Variants in SBF2 observed in about 807,000 individuals in gnomAD.
The protein encoded by SBF2 is myotubularin-related protein 13.
A neutral mutation model predicts 225.2 loss-of-function variants in SBF2; 112 were observed. The observed-to-expected ratio is 0.50, with a 90% CI of 0.43 to 0.58. The LOEUF (loss-of-function observed/expected upper bound fraction) is 0.58. SBF2 is among the 20% of genes least tolerant of loss of function. SBF2 has a pLI of 0.00. For synonymous variants in SBF2, 763 were observed against 773.3 expected (o/e 0.99, Z 0.22); for missense variants, 1,996 against 2,206.2 (o/e 0.90, Z 1.91).
At chr11:9,947,331 T>C (rs1376313631) in intron 16 of SBF2, among the ~76,000 whole-genome samples, 1 of 152,200 alleles carries the variant, frequency 6.6e-6, no homozygotes, top group African/African-American at 2.4e-5. Flanking sequence ...GAAAAATGTC[T>C]ATGACCGCTC....
At chr11:9,928,678 G>T (rs1487512292) in intron 16 of SBF2, among the ~76,000 whole-genome samples, 1 of 152,128 alleles carries the variant, frequency 6.6e-6, no homozygotes, top group Admixed American at 6.6e-5. Flanking sequence ...CTTGTACCAG[G>T]CCCCAGCTGG....
At chr11:10,252,526 G>A (rs1052441899) in intron 1 of SBF2, among the ~76,000 whole-genome samples, 5 of 152,210 alleles carry the variant, frequency 3.3e-5, no homozygotes, top group African/African-American at 9.6e-5. Context: ...AACGCTGGCC[G>A]GGCGCGGTGG....
chr11:9,786,368 A>T (rs1852374154), intron 36 of SBF2, among the ~76,000 whole-genome samples: 1 of 152,256 alleles, frequency 6.6e-6, no homozygotes, highest in South Asian at 2.1e-4. Context: ...TCTTTCAAAA[A>T]AATGAACATT....
chr11:9,887,225 A>C (rs1160564526), intron 17 of SBF2, among the ~76,000 whole-genome samples: 1 of 151,718 alleles, frequency 6.6e-6, no homozygotes, highest in East Asian at 1.9e-4. Context: ...AAAAATTAGT[A>C]ATTATTATAA....
chr11:10,218,966 G>T (rs1050129273), intron 1 of SBF2, among the ~76,000 whole-genome samples: 8 of 152,142 alleles, frequency 5.3e-5, no homozygotes, highest in African/African-American at 1.9e-4. Context: ...AGTGTCTGTG[G>T]CTTTTCCAGG....
At chr11:10,235,032 G>GA (rs1360693403) in intron 1 of SBF2, among the ~76,000 whole-genome samples, 3 of 152,138 alleles carry the variant, frequency 2.0e-5, no homozygotes, top group Non-Finnish European at 4.4e-5. Flanking sequence ...CAAGGAAGGA[G>GA]AAACAGGTGT....
intron 2 of SBF2, among the ~76,000 whole-genome samples, chr11:10,053,806 A>G (rs955191890): frequency 2.0e-5 from 3 of 151,852 alleles, no homozygotes; most frequent in Non-Finnish European, 1.5e-5. Flanking sequence ...TGTAGTACCA[A>G]CTACTCAGAA....
intron 1 of SBF2, among the ~76,000 whole-genome samples, chr11:10,276,107 A>G (rs1962943173): frequency 6.6e-6 from 1 of 152,172 alleles, no homozygotes; most frequent in South Asian, 2.1e-4. Context: ...GAGGGGAAAA[A>G]TTATTTTCTA....
intron 32 of SBF2, 65 bp downstream of exon 32, chr11:9,807,935 C>T: frequency 7.2e-7 from 1 of 1,386,170 alleles, no homozygotes; most frequent in Non-Finnish European, 1.0e-6. Context: ...TCGCAATGCT[C>T]CATCAATGCT....
intron 1 of SBF2, among the ~76,000 whole-genome samples, chr11:10,269,770 T>TATA (rs2135532972): frequency 6.8e-6 from 1 of 146,004 alleles, no homozygotes; most frequent in East Asian, 1.9e-4. Flanking sequence ...ACACTTTATC[T>TATA]ATTTTTGTAG....
intron 2 of SBF2, among the ~76,000 whole-genome samples, chr11:10,188,037 G>A (rs1317013548): frequency 1.3e-5 from 2 of 152,078 alleles, no homozygotes; most frequent in Non-Finnish European, 2.9e-5. Flanking sequence ...ATCAGAGAGA[G>A]TAAATTAACT....
At chr11:9,896,038 C>T in intron 16 of SBF2, 27 bp from the exon 17 acceptor site, 1 of 1,563,518 alleles carries the variant, frequency 6.4e-7, no homozygotes. Context: ...GACAAAAGAG[C>T]ATTAGGATAT....
At chr11:9,894,512 G>T (rs948380426) in intron 17 of SBF2, among the ~76,000 whole-genome samples, 2 of 148,396 alleles carry the variant, frequency 1.3e-5, no homozygotes, top group Non-Finnish European at 3.0e-5. Flanking sequence ...GCGAGACCCT[G>T]TCACAAAAAA....
intron 1 of SBF2, among the ~76,000 whole-genome samples, chr11:10,207,365 C>G (rs555850159): frequency 1.5e-3 from 231 of 152,090 alleles, no homozygotes; most frequent in Non-Finnish European, 2.6e-3. Context: ...AAGGAAATTA[C>G]AAAAGAAGCA....
intron 16 of SBF2, among the ~76,000 whole-genome samples, chr11:9,947,793 C>T (rs904058690): frequency 1.3e-5 from 2 of 151,748 alleles, no homozygotes; most frequent in Non-Finnish European, 2.9e-5. Context: ...AAAAATCAAG[C>T]GTTGGTGAGG....
At chr11:10,055,965 T>A (rs1038869251) in intron 2 of SBF2, among the ~76,000 whole-genome samples, 1 of 152,050 alleles carries the variant, frequency 6.6e-6, no homozygotes, top group African/African-American at 2.4e-5. Flanking sequence ...ATATAAAAAT[T>A]TCAAGAAGAA....
At chr11:9,850,384 TAGCTG>T (rs1192685412) in intron 21 of SBF2, among the ~76,000 whole-genome samples, 166 bp from the exon 22 acceptor site, 3 of 152,084 alleles carry the variant, frequency 2.0e-5, no homozygotes, top group African/African-American at 7.2e-5. Flanking sequence ...GCCTCCTGAG[TAGCTG>T]AGACTACAGG....
At chr11:9,796,166 T>C (rs1853110669) in intron 32 of SBF2, among the ~76,000 whole-genome samples, 1 of 152,054 alleles carries the variant, frequency 6.6e-6, no homozygotes, top group South Asian at 2.1e-4. Context: ...GGTTTTTTTT[T>C]TTTAAATAAA....
intron 1 of SBF2, among the ~76,000 whole-genome samples, chr11:10,212,666 T>C (rs530452814): frequency 6.6e-6 from 1 of 152,340 alleles, no homozygotes; most frequent in East Asian, 1.9e-4. Context: ...ATCAAGACCT[T>C]AGTGAGCTAC....
Sources: gnomAD v4.1 joint callset for allele counts (sites outside exome capture counted in the v4.1 genomes callset) on GRCh38, gnomAD v4.1.1 for gene constraint, MANE v1.5 for transcripts, NCBI Gene and HGNC (gene_info 2026-07-23, HGNC 2026-07-21) for gene names.